The following TUSC3 variants were observed in gnomAD, a reference collection of about 807,000 sequenced individuals.
TUSC3 encodes tumor suppressor candidate 3, also known as dolichyl-diphosphooligosaccharide--protein glycosyltransferase subunit TUSC3.
TUSC3 carries 45 observed loss-of-function variants against 44.8 expected under a neutral mutation model. That is an observed-to-expected ratio of 1.00 (90% CI 0.79 to 1.29). TUSC3 has a LOEUF of 1.29. Among genes scored for constraint, TUSC3 ranks in the 50% most tolerant of loss-of-function variants. The pLI is 0.00. For synonymous variants in TUSC3, 212 were observed against 152.9 expected, an observed-to-expected ratio of 1.39 and a Z score of -2.85; for missense variants, 519 against 437.9, an observed-to-expected ratio of 1.19 and a Z score of -1.65.
chr8:15,443,114 T>A (rs1202961863), intron 1 of TUSC3, among the ~76,000 whole-genome samples: 1 of 152,248 alleles, frequency 6.6e-6, no homozygotes, highest in East Asian at 1.9e-4. Flanking sequence ...TCCCCTACTG[T>A]AGTAGTTTAA....
the TUSC3 span, among the ~76,000 whole-genome samples, chr8:15,789,506 A>G: frequency 6.6e-6 from 1 of 152,218 alleles, no homozygotes; most frequent in African/African-American, 2.4e-5. Flanking sequence ...TGCCTAATTA[A>G]GGCCATTAGC....
chr8:15,695,976 A>C (rs1326764647), intron 6 of TUSC3, among the ~76,000 whole-genome samples: 4 of 152,134 alleles, frequency 2.6e-5, no homozygotes, highest in African/African-American at 4.8e-5. Flanking sequence ...AGTTCAGAAA[A>C]TTTGCAGCCT....
intron 6 of TUSC3, among the ~76,000 whole-genome samples, chr8:15,699,148 C>A (rs1809292794): frequency 6.6e-6 from 1 of 152,126 alleles, no homozygotes; most frequent in Admixed American, 6.6e-5. Flanking sequence ...CATGTGCAGC[C>A]ATCTTCAGCC....
intron 1 of TUSC3, among the ~76,000 whole-genome samples, chr8:15,452,820 C>G (rs1317202130): frequency 1.3e-5 from 2 of 152,162 alleles, no homozygotes; most frequent in East Asian, 1.9e-4. Flanking sequence ...CTCCAGGAAG[C>G]TTTTGTTTCC....
intron 2 of TUSC3, among the ~76,000 whole-genome samples, chr8:15,504,614 TA>T (rs1563268614): frequency 4.4e-3 from 122 of 27,516 alleles, no homozygotes; most frequent in African/African-American, 9.0e-3. Context: ...TATATATATA[TA>T]TATATATTTT....
At chr8:15,732,257 A>G (rs1226288936) in intron 7 of TUSC3, among the ~76,000 whole-genome samples, 1 of 152,118 alleles carries the variant, frequency 6.6e-6, no homozygotes, top group Non-Finnish European at 1.5e-5. Context: ...CCCACTTGTC[A>G]TGGGAGGGAT....
chr8:15,816,171 G>T, the TUSC3 span, among the ~76,000 whole-genome samples: 1 of 152,130 alleles, frequency 6.6e-6, no homozygotes, highest in Non-Finnish European at 1.5e-5. Flanking sequence ...GCTTCTATAA[G>T]GCTCTGTCTT....
chr8:15,509,538 G>C (rs1400544674), intron 2 of TUSC3, among the ~76,000 whole-genome samples: 1 of 152,164 alleles, frequency 6.6e-6, no homozygotes, highest in East Asian at 1.9e-4. Flanking sequence ...AATCCCAGAG[G>C]CTGAGGTTGC....
intron 2 of TUSC3, among the ~76,000 whole-genome samples, chr8:15,647,603 A>G (rs1806690816): frequency 1.3e-5 from 2 of 152,014 alleles, no homozygotes; most frequent in African/African-American, 2.4e-5. Flanking sequence ...CACTCACTGC[A>G]TTTCTAGTTG....
At chr8:15,626,451 G>A (rs1191114144) in intron 2 of TUSC3, among the ~76,000 whole-genome samples, 1 of 152,216 alleles carries the variant, frequency 6.6e-6, no homozygotes, top group East Asian at 1.9e-4. Context: ...GCCCTACCCT[G>A]CCGAGCATGG....
At chr8:15,508,707 C>G (rs906428882) in intron 2 of TUSC3, among the ~76,000 whole-genome samples, 1 of 152,002 alleles carries the variant, frequency 6.6e-6, no homozygotes, top group South Asian at 2.1e-4. Flanking sequence ...GTGATTCACC[C>G]GCCTGGGCGT....
At chr8:15,763,102 T>C (rs1028966686) in intron 10 of TUSC3, among the ~76,000 whole-genome samples, 2 of 151,898 alleles carry the variant, frequency 1.3e-5, no homozygotes, top group African/African-American at 4.8e-5. Context: ...TTAATTGATG[T>C]TATATAATAT....
chr8:15,436,038 G>A (rs73189479), intron 1 of TUSC3, among the ~76,000 whole-genome samples: 1 of 152,092 alleles, frequency 6.6e-6, no homozygotes, highest in African/African-American at 2.4e-5. Flanking sequence ...CCTTGACTGA[G>A]GCTGGAATAC....
chr8:15,514,511 A>C (rs1801188288), intron 2 of TUSC3, among the ~76,000 whole-genome samples: 1 of 152,208 alleles, frequency 6.6e-6, no homozygotes, highest in South Asian at 2.1e-4. Context: ...TCTGAACTGT[A>C]GACTTACCTT....
At chr8:15,608,530 C>G (rs180727594) in intron 1 of TUSC3, among the ~76,000 whole-genome samples, 1 of 152,180 alleles carries the variant, frequency 6.6e-6, no homozygotes, top group Admixed American at 6.5e-5. Flanking sequence ...TGGTTTGGCT[C>G]TGTGTCCCCA....
rs554481006 is a variant in TUSC3, at chr8:15,445,860, G to A, written n.91+28555G>A. Among the ~76,000 whole-genome samples, 42 of 152,118 alleles carry A rather than the reference G, an allele frequency of 2.8e-4. 1 individual carries two copies. The South Asian group carries it at 7.3e-3, about 26-fold the overall frequency. On this transcript the variant is annotated intron_variant and non_coding_transcript_variant, in intron 1 of 5. Transcript: ENST00000503191. ...CCTCCCAGATGGTAGACGGGGTGGC[G>A]GCCGGGCAGAGGGGCTCCTCACTTC...
intron 2 of TUSC3, among the ~76,000 whole-genome samples, chr8:15,506,607 C>T (rs1375292000): frequency 2.0e-5 from 3 of 152,112 alleles, no homozygotes; most frequent in Non-Finnish European, 4.4e-5. Flanking sequence ...CAAAGACACG[C>T]CTTACATGGT....
At chr8:15,725,546 T>G (rs556922893) in intron 6 of TUSC3, among the ~76,000 whole-genome samples, 1 of 152,320 alleles carries the variant, frequency 6.6e-6, no homozygotes, top group South Asian at 2.1e-4. Flanking sequence ...TTTTACCATC[T>G]GTGAGTCATA....
chr8:15,589,051 A>T (rs896651550), intron 1 of TUSC3, among the ~76,000 whole-genome samples: 2 of 152,048 alleles, frequency 1.3e-5, no homozygotes, highest in Non-Finnish European at 2.9e-5. Context: ...GCAGTTTATC[A>T]TTATGCAACG....
Sources: gnomAD v4.1 joint callset for allele counts (sites outside exome capture counted in the v4.1 genomes callset) on GRCh38, gnomAD v4.1.1 for gene constraint, MANE v1.5 for transcripts, NCBI Gene and HGNC (gene_info 2026-07-23, HGNC 2026-07-21) for gene names.